The following RABEPK variants were observed in gnomAD, a reference collection of about 807,000 sequenced individuals.
RABEPK encodes Rab9 effector protein with kelch motifs.
In RABEPK, 27 loss-of-function variants were observed where a neutral mutation model predicts 34.1. The observed-to-expected ratio is 0.79, with a 90% CI of 0.58 to 1.09. RABEPK has a LOEUF of 1.09. Among genes scored for constraint, RABEPK ranks in the 50% least tolerant of loss-of-function variants. The pLI, the probability that RABEPK is intolerant of heterozygous loss-of-function variation, is 0.00. For missense variants in RABEPK, 449 were observed against 462.6 expected, an observed-to-expected ratio of 0.97 and a Z score of 0.27; for synonymous variants, 172 against 169.2, an observed-to-expected ratio of 1.02 and a Z score of -0.13.
intron 2 of RABEPK, among the ~76,000 whole-genome samples, chr9:125,205,459 T>A (rs1830166229): frequency 6.6e-6 from 1 of 152,196 alleles, no homozygotes; most frequent in South Asian, 2.1e-4. Context: ...AGAACTCAGA[T>A]GATGGTAACA....
chr9:125,209,807 A>G lies in RABEPK; in HGVS notation c.211+2086A>G, dbSNP rs1564176860. Among the ~76,000 whole-genome samples the G allele has an allele frequency of 3.3e-5, 5 of 152,072 alleles. No individual in the cohort carries two copies. In the South Asian group the frequency reaches 1.0e-3, roughly 31 times the overall value. On this transcript the variant is annotated intron_variant, in intron 3 of 7. Transcript: ENST00000373538. ...CCTTTTCTTATCATCTGGCTTCTCT[A>G]TATCTTTCAGATTTCAGATTAAATG... is the stretch of plus-strand genomic sequence containing the variant.
intron 2 of RABEPK, among the ~76,000 whole-genome samples, chr9:125,206,718 G>A (rs1191488082): frequency 6.6e-6 from 1 of 152,124 alleles, no homozygotes; most frequent in Non-Finnish European, 1.5e-5. Context: ...TAAAGCTCTC[G>A]CCACCATTTA....
intron 1 of RABEPK, 62 bp from the exon 2 acceptor site, chr9:125,202,946 G>T (rs1209764104): frequency 1.5e-6 from 2 of 1,367,570 alleles, no homozygotes; most frequent in African/African-American, 1.4e-5. Context: ...TAAAAAGGAG[G>T]TTGAATTGAT....
intron 7 of RABEPK, 53 bp downstream of exon 7, chr9:125,232,798 C>T (rs772766091): frequency 4.5e-6 from 7 of 1,557,058 alleles, no homozygotes; most frequent in Admixed American, 1.8e-5. Context: ...TTCTTTGAAA[C>T]GTGATGCGGT....
intron 4 of RABEPK, chr9:125,220,241 A>G (rs1042431687): frequency 9.0e-6 from 11 of 1,227,770 alleles, no homozygotes; most frequent in Non-Finnish European, 1.0e-5. Flanking sequence ...ACCTCAAGTG[A>G]TCCGCCCGCC....
At chr9:125,209,807 A>AT in intron 3 of RABEPK, among the ~76,000 whole-genome samples, 1 of 152,190 alleles carries the variant, frequency 6.6e-6, no homozygotes, top group East Asian at 1.9e-4. Context: ...TGGCTTCTCT[A>AT]TATCTTTCAG....
chr9:125,213,288 C>A, intron 3 of RABEPK, 82 bp from the exon 4 acceptor site: 1 of 1,405,462 alleles, frequency 7.1e-7, no homozygotes, highest in Non-Finnish European at 9.7e-7. Flanking sequence ...TTATGGCCCT[C>A]TTCTCATGAC....
chr9:125,213,191 G>A (rs1033028210), intron 3 of RABEPK, among the ~76,000 whole-genome samples, 179 bp from the exon 4 acceptor site: 16 of 152,130 alleles, frequency 1.1e-4, no homozygotes, highest in African/African-American at 3.4e-4. Flanking sequence ...CTATGGACTA[G>A]GCAGACAGCC....
chr9:125,201,887 C>T (rs1177000389), intron 1 of RABEPK, among the ~76,000 whole-genome samples: 1 of 148,318 alleles, frequency 6.7e-6, no homozygotes, highest in Non-Finnish European at 1.5e-5. Context: ...GCTGGGATTA[C>T]AGGCGTGAGC....
intron 6 of RABEPK, 86 bp downstream of exon 6, chr9:125,228,145 C>T: frequency 8.4e-7 from 1 of 1,188,576 alleles, no homozygotes; most frequent in Non-Finnish European, 1.1e-6. Flanking sequence ...GTCTGTCACT[C>T]AGGCTGGAGT....
At chr9:125,231,375 T>G (rs1832165893) in intron 6 of RABEPK, among the ~76,000 whole-genome samples, 1 of 152,204 alleles carries the variant, frequency 6.6e-6, no homozygotes, top group Non-Finnish European at 1.5e-5. Flanking sequence ...GGCAGCACAT[T>G]ATCGTGTAGA....
intron 5 of RABEPK, among the ~76,000 whole-genome samples, chr9:125,226,793 G>A (rs898269162): frequency 1.3e-5 from 2 of 152,062 alleles, no homozygotes; most frequent in Non-Finnish European, 2.9e-5. Flanking sequence ...GAACCGGGGA[G>A]GCGGAGGTTA....
At chr9:125,210,403 CA>C (rs775128302) in intron 3 of RABEPK, among the ~76,000 whole-genome samples, 3,017 of 67,852 alleles carry the variant, frequency 0.044, 32 homozygotes, top group African/African-American at 0.05. Context: ...GTCTCCGTCT[CA>C]AAAAAAAAAA....
chr9:125,228,095 G>GTTATTT (rs1831896783), intron 6 of RABEPK, 36 bp downstream of exon 6: 1 of 1,344,868 alleles, frequency 7.4e-7, no homozygotes, highest in Admixed American at 3.3e-5. Flanking sequence ...GTTTAAAATT[G>GTTATTT]TTATTTTTAT....
rs943216012 is a variant in RABEPK at position 125,227,989 on chromosome 9, G to A, written c.606G>A (p.Gly202=). The change falls in exon 6 of 8, where the codon GGG becomes GGA. Residue 202 remains glycine, a synonymous_variant. Coordinates refer to ENST00000373538, the MANE Select transcript of RABEPK (RefSeq NM_005833.4). Reference sequence around the variant, plus strand: ...ATGGTCATGTGATGGTGGCAGCAGGGACAAAGCTCTTCATCCACGGAGGCT... The same window carrying A: ...ATGGTCATGTGATGGTGGCAGCAGGAACAAAGCTCTTCATCCACGGAGGCT... ...PRHGHVMVAA[G]TKLFIHGGLA... The A allele has an allele frequency of 6.2e-6, 10 of 1,607,904 alleles. No homozygotes were observed. Among genetic ancestry groups the A allele is most frequent in the Non-Finnish European group, 7.6e-6 (9 of 1,176,606 alleles).
chr9:125,223,306 G>A (rs1025287037), intron 5 of RABEPK, among the ~76,000 whole-genome samples: 2 of 149,688 alleles, frequency 1.3e-5, no homozygotes, highest in Admixed American at 1.3e-4. Flanking sequence ...GGACGTGGTG[G>A]CAGGTGCCTG....
chr9:125,233,839 G>A lies in RABEPK; in HGVS notation c.978G>A (p.Glu326=), dbSNP rs1588426050. 1.2e-6 allele frequency: 2 copies of A among 1,614,008 alleles called. No individual in the cohort carries two copies. Among genetic ancestry groups the A allele is most frequent in the Non-Finnish European group, 1.7e-6 (2 of 1,180,030 alleles). ...SLTLNHEAEK[E]DSADKVMSHS... ...CTCTGAACCATGAAGCTGAGAAAGA[G>A]GATTCAGCTGACAAAGTAATGAGCC... The change falls in exon 8 of 8, where the codon GAG becomes GAA. Residue 326 remains glutamate, a synonymous_variant. Coordinates refer to ENST00000373538, the MANE Select transcript of RABEPK (RefSeq NM_005833.4).
At chr9:125,212,073 C>T (rs542314959) in intron 3 of RABEPK, among the ~76,000 whole-genome samples, 1 of 152,262 alleles carries the variant, frequency 6.6e-6, no homozygotes, top group South Asian at 2.1e-4. Context: ...AGCTTTGTGA[C>T]CCTGGCTACA....
At position 125,213,308 on chromosome 9, in the gene RABEPK, G is replaced by A. The variant is rs1830703768; in HGVS notation, c.212-62G>A. On this transcript the variant is annotated intron_variant, in intron 3 of 7. Coordinates refer to ENST00000373538, the MANE Select transcript of RABEPK (RefSeq NM_005833.4). The stretch of plus-strand genomic sequence containing the variant: ...GCCCTCTTCTCATGACCCTCCTCAA[G>A]TGTGCCAACCAATATAATAATTGGC... 3.2e-6 allele frequency: 5 copies of A among 1,543,944 alleles called. No homozygotes were observed. The African/African-American group carries it at 6.9e-5, about 21-fold the overall frequency.
Sources: allele counts gnomAD v4.1 joint callset (sites outside exome capture counted in the v4.1 genomes callset), GRCh38; gene constraint gnomAD v4.1.1; transcripts MANE v1.5; gene names NCBI Gene and HGNC (gene_info 2026-07-23, HGNC 2026-07-21).